The following TXNDC11 variants were observed in gnomAD, a reference collection of about 807,000 sequenced individuals.
TXNDC11 encodes thioredoxin domain-containing protein 11.
Under a neutral mutation model 78.0 loss-of-function variants are expected in TXNDC11, and 68 were observed. That is an observed-to-expected ratio of 0.87 (90% CI 0.72 to 1.07). TXNDC11 has a LOEUF of 1.07. Among genes scored for constraint, TXNDC11 ranks in the 50% least tolerant of loss-of-function variants. The pLI is 0.00. For synonymous variants in TXNDC11, 571 were observed against 495.2 expected (o/e 1.15, Z -2.03); for missense variants, 1,389 against 1,221.8 (o/e 1.14, Z -2.04).
chr16:11,709,374 T>A (rs2051272097), intron 5 of TXNDC11, among the ~76,000 whole-genome samples: 1 of 146,940 alleles, frequency 6.8e-6, no homozygotes, highest in African/African-American at 2.5e-5. Flanking sequence ...TGCCTCAGCC[T>A]CCCGAGTAGC....
Position 11,742,849 on chromosome 16 carries a change from G to T in TXNDC11, c.-119C>A. Reference sequence around the variant, plus strand: ...GCACCCGCTAACCCGGACGCTCCACGTCAGCCGCGCCGCCGCCGCGGGGTC... The same window carrying T: ...GCACCCGCTAACCCGGACGCTCCACTTCAGCCGCGCCGCCGCCGCGGGGTC... On this transcript the variant is annotated 5_prime_UTR_variant, in exon 1 of 12. Transcript: ENST00000283033. 7.6e-7 allele frequency: 1 copy of T among 1,316,270 alleles called. No individual in the cohort carries two copies. The highest frequency in any genetic ancestry group is 9.7e-7 in the Non-Finnish European group (1 of 1,034,684). 81.5% of individuals were successfully genotyped at this position (1,316,270 alleles called of 1,614,324 possible). A position where few individuals can be genotyped will look rare whatever the true frequency, so the allele number is the denominator to read the frequency against.
At position 11,741,969 on chromosome 16, in the gene TXNDC11, T is replaced by C. The variant is rs371161919; in HGVS notation, c.254+508A>G. ...ACCCCTTGAACCCGGGAGGCGGAGG[T>C]TTCAGTGAGCCGAGATCGCGCCACT... On this transcript the variant is annotated intron_variant, in intron 1 of 11. Coordinates refer to ENST00000283033, the MANE Select transcript of TXNDC11 (RefSeq NM_015914.7). The C allele has an allele frequency of 3.6e-3, 550 of 152,684 alleles. 3 individuals are homozygous for C. The highest frequency in any genetic ancestry group is 0.013 in the African/African-American group (529 of 41,428). 9.5% of individuals were successfully genotyped at this position (152,684 alleles called of 1,614,324 possible).
At chr16:11,729,628 A>G (rs2051985839) in intron 4 of TXNDC11, among the ~76,000 whole-genome samples, 1 of 152,144 alleles carries the variant, frequency 6.6e-6, no homozygotes, top group Non-Finnish European at 1.5e-5. Context: ...TCTGTCAGGT[A>G]TTTATGGTCT....
chr16:11,696,025 C>CA (rs36041908), intron 7 of TXNDC11, among the ~76,000 whole-genome samples: 14,654 of 133,588 alleles, frequency 0.11, 1,694 homozygotes, highest in African/African-American at 0.29. Context: ...GACCCTAACT[C>CA]AAAAAAAAAA....
intron 8 of TXNDC11, 141 bp from the exon 9 acceptor site, chr16:11,688,586 A>C: frequency 1.5e-6 from 1 of 687,510 alleles, no homozygotes; most frequent in East Asian, 2.7e-5. Context: ...GCAAAACCCC[A>C]AACAAAGCTG....
At chr16:11,717,861 T>C (rs1249106080) in intron 5 of TXNDC11, among the ~76,000 whole-genome samples, 1 of 150,602 alleles carries the variant, frequency 6.6e-6, no homozygotes, top group East Asian at 1.9e-4. Flanking sequence ...TGGACAGAAA[T>C]ATGCACAAGA....
chr16:11,734,138 A>AT, intron 2 of TXNDC11, 59 bp from the exon 3 acceptor site: 1 of 1,099,350 alleles, frequency 9.1e-7, no homozygotes, highest in Non-Finnish European at 1.3e-6. Flanking sequence ...AGTTACCAAG[A>AT]TTTAAAAGAT....
At chr16:11,699,439 C>T (rs898614781) in intron 6 of TXNDC11, among the ~76,000 whole-genome samples, 3 of 152,076 alleles carry the variant, frequency 2.0e-5, no homozygotes, top group Non-Finnish European at 4.4e-5. Context: ...GCACAAGGAG[C>T]GTAGGTGGGC....
chr16:11,691,028 A>T (rs2050699707), intron 8 of TXNDC11: 1 of 479,262 alleles, frequency 2.1e-6, no homozygotes, highest in South Asian at 2.5e-5. Flanking sequence ...GAAATCGCCA[A>T]TTTAGAAAGT....
chr16:11,680,611 C>T (rs1304563222), intron 11 of TXNDC11, among the ~76,000 whole-genome samples: 2 of 152,190 alleles, frequency 1.3e-5, no homozygotes, highest in African/African-American at 4.8e-5. Context: ...ATCTATTTAC[C>T]TGTGCCTGTA....
Position 11,679,130 on chromosome 16 carries a change from A to G in TXNDC11, c.*65T>C. 6.6e-7 allele frequency: 1 copy of G among 1,508,652 alleles called. No individual in the cohort carries two copies. Among genetic ancestry groups the G allele is most frequent in the Non-Finnish European group, 9.0e-7 (1 of 1,111,692 alleles). The allele number at this position is 1,508,652 out of a possible 1,614,324, so 93.5% of individuals were successfully genotyped here. A position where few individuals can be genotyped will look rare whatever the true frequency, so the allele number is the denominator to read the frequency against. ...CTTTATTTACAATAAATTTCAATAA[A>G]ATTTGCATAAATATATTCCCAATGT... On this transcript the variant is annotated 3_prime_UTR_variant, in exon 12 of 12. Coordinates refer to ENST00000283033, the MANE Select transcript of TXNDC11 (RefSeq NM_015914.7). This position sits in a 1 kb window ranked among gnomAD's most constrained non-coding sequence, Gnocchi z 4.6.
At chr16:11,704,516 C>G (rs1190495875) in intron 5 of TXNDC11, among the ~76,000 whole-genome samples, 1 of 152,180 alleles carries the variant, frequency 6.6e-6, no homozygotes, top group Non-Finnish European at 1.5e-5. Context: ...ACAGCAGACA[C>G]TACTTTAACC....
Position 11,736,372 on chromosome 16 carries a change from G to C in TXNDC11, c.255-139C>G, listed in dbSNP as rs967234461. The C allele has an allele frequency of 3.9e-5, 25 of 648,948 alleles. 1 individual carries two copies. In the African/African-American group the frequency reaches 4.2e-4, roughly 11 times the overall value. The allele number at this position is 648,948 out of a possible 1,614,324, so 40.2% of individuals were successfully genotyped here. On this transcript the variant is annotated intron_variant, in intron 1 of 11. Transcript: ENST00000283033. Reference sequence around the variant, plus strand: ...GTCCCAAAATCACTGCCCTAGAAAGGCAACATCTGGCTGAGCAAATGCAAG... The same window carrying C: ...GTCCCAAAATCACTGCCCTAGAAAGCCAACATCTGGCTGAGCAAATGCAAG...
chr16:11,687,964 G>A lies in TXNDC11; in HGVS notation c.2046C>T (p.Asp682=), dbSNP rs61738858. 159 of 1,608,804 alleles carry A rather than the reference G, an allele frequency of 9.9e-5. 1 individual carries two copies. The African/African-American group carries it at 1.7e-3, about 17-fold the overall frequency. Residue 682 remains aspartate (D), a splice_region_variant and synonymous_variant, in exon 10 of 12, where the codon GAC becomes GAT. Transcript: ENST00000283033. ...ACGGAGCGTAATAGAGCAGGAGAAC[G>A]TCCTGTGGGAAAGGGAAGACAGATG... ...TFWEVVLQKQ[D]VLLLYYAPWC... is the part of the protein sequence containing the mutation.
intron 5 of TXNDC11, among the ~76,000 whole-genome samples, chr16:11,707,021 A>C (rs1422991444): frequency 3.3e-5 from 5 of 152,222 alleles, no homozygotes; most frequent in Admixed American, 2.0e-4. Flanking sequence ...GGACTTGAGT[A>C]TGCAAATTCT....
chr16:11,703,588 C>T (rs559171476), intron 5 of TXNDC11: 3 of 667,528 alleles, frequency 4.5e-6, no homozygotes, highest in African/African-American at 3.6e-5. Flanking sequence ...GATATATGCA[C>T]ATGTGTGGGT....
Position 11,679,485 on chromosome 16 carries a change from A to G in TXNDC11, c.2587T>C (p.Tyr863His), listed in dbSNP as rs1410739034. Residue 863 changes from tyrosine (Y) to histidine (H), a missense_variant, in exon 12 of 12, where the codon TAT becomes CAT. Transcript: ENST00000283033. The surrounding 1 kb of genome is among the most constrained non-coding windows in gnomAD (Gnocchi z 4.6). ...HAHSEQLQAL[Y>H]EQKTRELQEL... The stretch of plus-strand genomic sequence containing the variant: ...TGCAGCTCACGTGTCTTCTGCTCAT[A>G]GAGGGCCTGCAGCTGCTCACTGTGT... 1 of 1,613,532 alleles carries G rather than the reference A, an allele frequency of 6.2e-7. No homozygotes were observed. The highest frequency in any genetic ancestry group is 1.7e-5 in the Admixed American group (1 of 60,026).
intron 4 of TXNDC11, among the ~76,000 whole-genome samples, chr16:11,724,818 T>C: frequency 6.6e-6 from 1 of 152,184 alleles, no homozygotes; most frequent in Non-Finnish European, 1.5e-5. Flanking sequence ...TGATCTCCGC[T>C]CACTGCAACC....
At chr16:11,719,450 A>G (rs766073635) in intron 5 of TXNDC11, among the ~76,000 whole-genome samples, 18 of 152,108 alleles carry the variant, frequency 1.2e-4, no homozygotes, top group Non-Finnish European at 2.5e-4. Flanking sequence ...TTCTCCCCCT[A>G]TGTCTCCCAG....
Sources: gnomAD v4.1 joint callset for allele counts (sites outside exome capture counted in the v4.1 genomes callset) on GRCh38, gnomAD v4.1.1 for gene constraint, Gnocchi (gnomAD v3.1) non-coding constraint, MANE v1.5 for transcripts, NCBI Gene and HGNC (gene_info 2026-07-23, HGNC 2026-07-21) for gene names.